CLTB: variants seen among roughly 807,000 people sequenced by gnomAD.
CLTB encodes clathrin, light chain (Lcb).
Under a neutral mutation model 30.5 loss-of-function variants are expected in CLTB, and 10 were observed. The ratio of observed to expected loss-of-function variants is 0.33; its 90% CI spans 0.20 to 0.56. The LOEUF (loss-of-function observed/expected upper bound fraction) is 0.56. Ranked by LOEUF, CLTB falls within the 20% of genes least tolerant of loss-of-function variation. CLTB has a pLI of 0.91. For synonymous variants in CLTB, 102 were observed against 120.3 expected (o/e 0.85, Z 1.00); for missense variants, 261 against 308.3 (o/e 0.85, Z 1.15).
chr5:176,399,595 T>C (rs1166097368), intron 2 of CLTB, among the ~76,000 whole-genome samples: 2 of 151,992 alleles, frequency 1.3e-5, no homozygotes, highest in Non-Finnish European at 2.9e-5. Flanking sequence ...AAAAGTTTTT[T>C]TAATTATGGA....
intron 2 of CLTB, chr5:176,401,773 T>C (rs1756830674): frequency 4.4e-6 from 2 of 456,104 alleles, no homozygotes; most frequent in Admixed American, 2.4e-5. Context: ...ACTGAACAAT[T>C]TCCCGAGGGT....
intron 2 of CLTB, among the ~76,000 whole-genome samples, chr5:176,404,099 A>G (rs1403744407): frequency 6.6e-6 from 1 of 152,220 alleles, no homozygotes; most frequent in Non-Finnish European, 1.5e-5. Context: ...CTCTATCTCC[A>G]AAGAGCCAAG....
chr5:176,397,516 C>T (rs1756593820), intron 4 of CLTB, 91 bp downstream of exon 4: 1 of 610,206 alleles, frequency 1.6e-6, no homozygotes, highest in Admixed American at 2.9e-5. Flanking sequence ...TTCATGTCCC[C>T]ATGGCCCCCT....
rs887728609 is a variant in CLTB, at chr5:176,392,895, G to A, written c.569C>T (p.Thr190Ile). ...TAGCTGGGCCACCTTCTCCCACTCT[G>A]TGCCTGGGGTCTCCTCCTTGGATTC... The part of the protein sequence containing the change: ...VKESKEETPG[T>I]EWEKVAQLCD... Residue 190 changes from threonine to isoleucine, a missense_variant, in exon 6 of 6, where the codon ACA (threonine) becomes ATA (isoleucine). By Grantham distance (89) the Thr-to-Ile change is moderately conservative. Around this residue, in one of 3 missense-constraint regions of CLTB, gnomAD observed 123 missense variants for 157.0 expected, o/e 0.78. Coordinates refer to ENST00000310418, the MANE Select transcript of CLTB (RefSeq NM_007097.5). This position sits in a 1 kb window ranked among gnomAD's most constrained non-coding sequence, Gnocchi z 5.2. 1 of 1,614,206 alleles carries A rather than the reference G, an allele frequency of 6.2e-7. No individual in the cohort carries two copies. Among genetic ancestry groups the A allele is most frequent in the Non-Finnish European group, 8.5e-7 (1 of 1,180,024 alleles).
chr5:176,394,068 T>C (rs1389525100), intron 5 of CLTB, among the ~76,000 whole-genome samples: 1 of 152,124 alleles, frequency 6.6e-6, no homozygotes, highest in Non-Finnish European at 1.5e-5. Flanking sequence ...GCCTGTAAAA[T>C]GAGGATCATA....
intron 2 of CLTB, among the ~76,000 whole-genome samples, chr5:176,402,647 G>A (rs1756883913): frequency 6.6e-6 from 1 of 152,206 alleles, no homozygotes; most frequent in Non-Finnish European, 1.5e-5. Context: ...GGAGGGCCTG[G>A]CTGCAGGAAC....
intron 2 of CLTB, among the ~76,000 whole-genome samples, chr5:176,399,667 G>A (rs1756715827): frequency 6.6e-6 from 1 of 152,172 alleles, no homozygotes; most frequent in Non-Finnish European, 1.5e-5. Context: ...GCCGAAGCGG[G>A]CAGATCACTT....
intron 5 of CLTB, among the ~76,000 whole-genome samples, chr5:176,395,988 A>C (rs1756503827): frequency 6.6e-6 from 1 of 152,056 alleles, no homozygotes; most frequent in Non-Finnish European, 1.5e-5. Context: ...TACAAAAGTT[A>C]GCCGGGCACG....
At chr5:176,405,277 C>G (rs1757044958) in intron 2 of CLTB, among the ~76,000 whole-genome samples, 1 of 151,916 alleles carries the variant, frequency 6.6e-6, no homozygotes. Context: ...CTGCTTGAGC[C>G]CAGGAGCTCG....
intron 2 of CLTB, among the ~76,000 whole-genome samples, chr5:176,409,650 G>A (rs566956292): frequency 2.6e-5 from 4 of 151,782 alleles, no homozygotes; most frequent in Admixed American, 6.6e-5. Context: ...CTGACCTCAC[G>A]TGATCCACCC....
chr5:176,413,579 G>A (rs755779525), intron 1 of CLTB, among the ~76,000 whole-genome samples: 2 of 152,242 alleles, frequency 1.3e-5, no homozygotes, highest in Non-Finnish European at 2.9e-5. Flanking sequence ...GCTAATCTGA[G>A]GACCCCAACA....
chr5:176,406,012 G>A, intron 2 of CLTB: 1 of 343,696 alleles, frequency 2.9e-6, no homozygotes, highest in Non-Finnish European at 4.1e-6. Context: ...AGAGCACAGT[G>A]GTGCTGCTGG....
At chr5:176,412,081 C>G (rs1373276224) in intron 1 of CLTB, among the ~76,000 whole-genome samples, 1 of 149,100 alleles carries the variant, frequency 6.7e-6, no homozygotes, top group Non-Finnish European at 1.5e-5. Flanking sequence ...GAGGCTGAGG[C>G]AGGAGAATGG....
Position 176,393,018 on chromosome 5 carries a change from T to C in CLTB, c.519-73A>G. The C allele has an allele frequency of 2.6e-6, 4 of 1,537,590 alleles. 1 individual carries two copies. The South Asian group carries it at 4.5e-5, about 17-fold the overall frequency. On this transcript the variant is annotated intron_variant, in intron 5 of 5. Transcript: ENST00000310418. The surrounding 1 kb of genome is among the most constrained non-coding windows in gnomAD (Gnocchi z 4.4). ...AGCCTTGCCCTTGAGCAAGGCTGCT[T>C]TGCCCAGCCTACTCTGGGGCACTGT...
At chr5:176,409,054 G>A (rs1581443838) in intron 2 of CLTB, among the ~76,000 whole-genome samples, 3 of 151,940 alleles carry the variant, frequency 2.0e-5, no homozygotes, top group East Asian at 1.9e-4. Context: ...TCGGCTCACC[G>A]CAACCTCCCA....
At chr5:176,406,383 G>T in intron 2 of CLTB, 1 of 1,136,472 alleles carries the variant, frequency 8.8e-7, no homozygotes, top group South Asian at 1.8e-5. Flanking sequence ...CCACCCATGA[G>T]AACCTCTGTG....
chr5:176,411,819 T>C (rs751393143), intron 1 of CLTB, among the ~76,000 whole-genome samples: 3 of 152,172 alleles, frequency 2.0e-5, no homozygotes, highest in Admixed American at 1.3e-4. Flanking sequence ...TAAATTCTGG[T>C]TTCCTCCTTC....
Position 176,416,266 on chromosome 5 carries a change from C to T in CLTB, c.98G>A (p.Ser33Asn). 3.7e-6 allele frequency: 6 copies of T among 1,605,796 alleles called. No individual in the cohort carries two copies. The highest frequency in any genetic ancestry group is 5.1e-6 in the Non-Finnish European group (6 of 1,177,442). The change falls in exon 1 of 6, where the codon AGC (serine) becomes AAC (asparagine). Residue 33 changes from serine (S) to asparagine (N), a missense_variant. Coordinates refer to ENST00000310418, the MANE Select transcript of CLTB (RefSeq NM_007097.5). Reference protein sequence around the residue: ...PAAAFLAQQESEIAGIENDEG... With the variant: ...PAAAFLAQQENEIAGIENDEG... ...GTCGTTCTCTATGCCTGCAATCTCG[C>T]TCTCCTGCTGGGCCAGGAAGGCGGC... is the stretch of plus-strand genomic sequence containing the variant.
chr5:176,406,269 G>A, intron 2 of CLTB: 2 of 1,042,540 alleles, frequency 1.9e-6, no homozygotes, highest in Non-Finnish European at 2.3e-6. Context: ...GAGAGAAAGG[G>A]GCAGGAATGG....
Sources: gnomAD v4.1 joint callset for allele counts (sites outside exome capture counted in the v4.1 genomes callset) on GRCh38, gnomAD v4.1.1 for gene constraint, gnomAD v4.1.1 regional missense constraint, Gnocchi (gnomAD v3.1) non-coding constraint, MANE v1.5 for transcripts, NCBI Gene and HGNC (gene_info 2026-07-23, HGNC 2026-07-21) for gene names.